SLA: variants seen among roughly 807,000 people sequenced by gnomAD.
SLA encodes the protein src-like-adapter.
In SLA, 16 loss-of-function variants were observed where a neutral mutation model predicts 30.3. That is an observed-to-expected ratio of 0.53 (90% CI 0.36 to 0.80). SLA has a LOEUF of 0.80. Among genes scored for constraint, SLA ranks in the 30% least tolerant of loss-of-function variants. The probability of loss-of-function intolerance (pLI) is 0.01; values close to 1 mark genes in which losing one functional copy is unlikely to be tolerated. For missense variants in SLA, 310 were observed against 345.2 expected (o/e 0.90, Z 0.81); for synonymous variants, 143 against 137.8 (o/e 1.04, Z -0.26).
intron 4 of SLA, chr8:133,050,240 G>T: frequency 3.9e-6 from 2 of 510,156 alleles, no homozygotes; most frequent in South Asian, 2.6e-5. Flanking sequence ...TGCTTTTCAG[G>T]GATTAGCAGC....
At chr8:133,059,199 G>C in intron 3 of SLA, 1 of 451,256 alleles carries the variant, frequency 2.2e-6, no homozygotes, top group Middle Eastern at 3.3e-4. Flanking sequence ...ACCCCTGCGA[G>C]GAAATGGGAC....
chr8:133,049,069 G>A, intron 5 of SLA: 1 of 438,464 alleles, frequency 2.3e-6, no homozygotes, highest in Middle Eastern at 3.3e-4. Context: ...GTAACTCCAG[G>A]AGGTGAAGCG....
intron 1 of SLA, among the ~76,000 whole-genome samples, chr8:133,091,996 T>C (rs747205274): frequency 9.9e-5 from 15 of 152,196 alleles, no homozygotes; most frequent in Non-Finnish European, 1.6e-4. Context: ...TCAGTGTCTG[T>C]GTGTGTCCTT....
chr8:133,091,608 C>T (rs1278019681), intron 1 of SLA, among the ~76,000 whole-genome samples: 1 of 151,804 alleles, frequency 6.6e-6, no homozygotes, highest in Non-Finnish European at 1.5e-5. Context: ...GTGAGTCTAT[C>T]TGTAGGTGTC....
chr8:133,057,828 C>G (rs1321084454), intron 3 of SLA, among the ~76,000 whole-genome samples: 1 of 151,648 alleles, frequency 6.6e-6, no homozygotes, highest in African/African-American at 2.4e-5. Flanking sequence ...AAGGCATTCA[C>G]TGTCCTGGCT....
intron 5 of SLA, chr8:133,048,861 G>A (rs1459064104): frequency 3.8e-5 from 7 of 183,624 alleles, no homozygotes; most frequent in South Asian, 2.0e-4. Context: ...AATTAAACTC[G>A]CAGAATTCCA....
intron 1 of SLA, among the ~76,000 whole-genome samples, chr8:133,083,380 C>T (rs1456785909): frequency 6.6e-6 from 1 of 152,194 alleles, no homozygotes; most frequent in African/African-American, 2.4e-5. Flanking sequence ...GTTATCTCAT[C>T]AATTCATCTT....
intron 2 of SLA, among the ~76,000 whole-genome samples, chr8:133,066,776 G>A (rs1843095351): frequency 6.6e-6 from 1 of 152,168 alleles, no homozygotes; most frequent in Non-Finnish European, 1.5e-5. Flanking sequence ...TGCCCTATGG[G>A]GTTGTTTTGA....
chr8:133,083,833 G>A (rs902048162), intron 1 of SLA, among the ~76,000 whole-genome samples: 5 of 152,168 alleles, frequency 3.3e-5, no homozygotes, highest in East Asian at 1.9e-4. Flanking sequence ...CTGCTGCCCC[G>A]TCCAGGTTCT....
Position 133,095,058 on chromosome 8 carries a change from C to G in SLA, c.-319+7495G>C. The G allele has an allele frequency of 2.5e-6, 4 of 1,613,802 alleles. No homozygotes were observed. Among genetic ancestry groups the G allele is most frequent in the Non-Finnish European group, 3.4e-6 (4 of 1,180,036 alleles). ...TTCTCTTCCAGGGAGGCTCCGCACTCTCCCCGGCCGCCGTCATCAGCCATG... is the reference window on the plus strand; with the variant it reads ...TTCTCTTCCAGGGAGGCTCCGCACTGTCCCCGGCCGCCGTCATCAGCCATG... On this transcript the variant is annotated intron_variant, in intron 1 of 8. Coordinates refer to ENST00000338087, the MANE Select transcript of SLA (RefSeq NM_001045556.3).
chr8:133,040,646 G>A (rs940079), intron 7 of SLA, among the ~76,000 whole-genome samples: 21,421 of 151,900 alleles, frequency 0.14, 1,688 homozygotes, highest in African/African-American at 0.19. Context: ...TCTCTAGGAA[G>A]AAAGATAAAA....
intron 3 of SLA, among the ~76,000 whole-genome samples, chr8:133,056,090 C>T (rs746599757): frequency 1.2e-4 from 18 of 152,158 alleles, no homozygotes; most frequent in Non-Finnish European, 2.5e-4. Context: ...CAGGGCAGGG[C>T]ATGGCTGTGT....
intron 2 of SLA, among the ~76,000 whole-genome samples, chr8:133,060,639 C>T (rs996817354): frequency 6.6e-6 from 1 of 152,200 alleles, no homozygotes; most frequent in Non-Finnish European, 1.5e-5. Flanking sequence ...GGAGAAGGTA[C>T]TTTCTGCTGC....
intron 3 of SLA, among the ~76,000 whole-genome samples, chr8:133,054,556 G>T (rs926207320): frequency 1.3e-5 from 2 of 152,196 alleles, no homozygotes; most frequent in Non-Finnish European, 2.9e-5. Flanking sequence ...CTTAGTAAGT[G>T]GAAGCTAATA....
intron 1 of SLA, among the ~76,000 whole-genome samples, chr8:133,099,398 C>G (rs933019345): frequency 6.6e-6 from 1 of 152,186 alleles, no homozygotes; most frequent in Non-Finnish European, 1.5e-5. Flanking sequence ...AGGAGGACTA[C>G]CTGCAGCAGG....
intron 3 of SLA, among the ~76,000 whole-genome samples, chr8:133,058,395 A>G (rs1418240680): frequency 6.6e-6 from 1 of 152,254 alleles, no homozygotes; most frequent in Non-Finnish European, 1.5e-5. Flanking sequence ...TCCCACCCAC[A>G]TAATGGAACA....
At position 133,039,964 on chromosome 8, in the gene SLA, CACACACACACACACAT is replaced by C. The variant is rs1367768546; in HGVS notation, c.617+18_617+33del. 37 of 1,528,782 alleles carry C rather than the reference CACACACACACACACAT, an allele frequency of 2.4e-5. No homozygotes were observed. In the Admixed American group the frequency reaches 4.0e-4, roughly 17 times the overall value. The allele number at this position is 1,528,782 out of a possible 1,614,324, so 94.7% of individuals were successfully genotyped here. On this transcript the variant is annotated intron_variant, in intron 8 of 8. Transcript: ENST00000338087. ...CAGAGCACTTGCATGCACACACACA[CACACACACACACACAT>C]ACACACACCATACTCACCTGGACAC...
At chr8:133,082,971 G>T (rs763049784) in intron 1 of SLA, among the ~76,000 whole-genome samples, 2 of 152,158 alleles carry the variant, frequency 1.3e-5, no homozygotes, top group Non-Finnish European at 2.9e-5. Context: ...ATCTGTCAGC[G>T]CCTGCTTCCA....
chr8:133,068,120 T>G (rs938531203), intron 2 of SLA, among the ~76,000 whole-genome samples: 3 of 152,132 alleles, frequency 2.0e-5, no homozygotes, highest in African/African-American at 7.2e-5. Flanking sequence ...AAGTAGCAAC[T>G]CAACACTCTC....
Sources: gnomAD v4.1 joint callset for allele counts (sites outside exome capture counted in the v4.1 genomes callset) on GRCh38, gnomAD v4.1.1 for gene constraint, MANE v1.5 for transcripts, NCBI Gene and HGNC (gene_info 2026-07-23, HGNC 2026-07-21) for gene names.